The following GPANK1 variants were observed in gnomAD, a reference collection of about 807,000 sequenced individuals.
GPANK1 encodes G patch domain and ankyrin repeat-containing protein 1.
Under a neutral mutation model 24.0 loss-of-function variants are expected in GPANK1, and 22 were observed. The ratio of observed to expected loss-of-function variants is 0.92; its 90% confidence interval spans 0.66 to 1.31. The LOEUF is 1.31. Ranked by LOEUF, GPANK1 falls within the 50% of genes most tolerant of loss-of-function variation. The pLI, the probability that GPANK1 is intolerant of heterozygous loss-of-function variation, is 0.00. For synonymous variants in GPANK1, 174 were observed against 177.4 expected, an observed-to-expected ratio of 0.98 and a Z score of 0.15; for missense variants, 469 against 453.5, an observed-to-expected ratio of 1.03 and a Z score of -0.31.
upstream of GPANK1, chr6:31,665,632 C>A (rs1801575216): frequency 4.1e-6 from 4 of 981,554 alleles, no homozygotes; most frequent in Admixed American, 2.0e-5. Context: ...GGGTCTCTGG[C>A]GGGACTGATT....
At position 31,662,284 on chromosome 6, in the gene GPANK1, G is replaced by T; in HGVS notation, c.1053C>A (p.Tyr351Ter). ...DRAWERDLRT[Y>*]MNLEF ...ACCAAAGTCAGAACTCGAGGTTCATGTAAGTCCTTAGATCCCGCTCCCAAG... is the reference window on the plus strand; with the variant it reads ...ACCAAAGTCAGAACTCGAGGTTCATTTAAGTCCTTAGATCCCGCTCCCAAG... The change falls in exon 3 of 3, where the codon TAC (tyrosine) becomes TAA (stop). Residue 351 changes from tyrosine to a stop codon, truncating the protein, a stop_gained. Coordinates refer to ENST00000375896, the MANE Select transcript of GPANK1 (RefSeq NM_033177.4). LOFTEE classifies it high-confidence loss of function. The surrounding 1 kb of genome is among the most constrained non-coding windows in gnomAD (Gnocchi z 5.5). 6.4e-7 allele frequency: 1 copy of T among 1,551,270 alleles called. No homozygotes were observed. Among genetic ancestry groups the T allele is most frequent in the Non-Finnish European group, 8.7e-7 (1 of 1,145,186 alleles).
chr6:31,665,364 G>A (rs1801511438), upstream of GPANK1: 3 of 1,276,964 alleles, frequency 2.3e-6, no homozygotes, highest in East Asian at 2.5e-5. Context: ...ATGCCGAGAA[G>A]CCGTGTAATG....
upstream of GPANK1, chr6:31,665,100 G>A (rs1801464362): frequency 2.7e-6 from 1 of 374,972 alleles, no homozygotes; most frequent in African/African-American, 2.0e-5. Context: ...ATTACTTGAG[G>A]GCTCGGGCGT....
rs1166992500 is a variant in GPANK1, at chr6:31,661,401, A to G, written c.*865T>C. 1 of 152,294 alleles carries G rather than the reference A, an allele frequency of 6.6e-6. No homozygotes were observed. The allele number at this position is 152,294 out of a possible 1,614,324, so 9.4% of individuals were successfully genotyped here. A position where few individuals can be genotyped will look rare whatever the true frequency, so the allele number is the denominator to read the frequency against. ...TTGACTTCCCTTATCACCCTGCATT[A>G]TAATATTTGATAACATGGGCCGGGA... is the stretch of plus-strand genomic sequence containing the variant. On this transcript the variant is annotated 3_prime_UTR_variant, in exon 3 of 3. Coordinates refer to ENST00000375896, the MANE Select transcript of GPANK1 (RefSeq NM_033177.4).
Position 31,662,722 on chromosome 6 carries a change from G to A in GPANK1, c.627-12C>T, listed in dbSNP as rs777104467. 1.9e-6 allele frequency: 3 copies of A among 1,539,754 alleles called. No individual in the cohort carries two copies. The highest frequency in any genetic ancestry group is 1.4e-5 in the African/African-American group (1 of 72,982). On this transcript the variant is annotated splice_polypyrimidine_tract_variant and intron_variant, in intron 2 of 2. Transcript: ENST00000375896. The surrounding 1 kb of genome is among the most constrained non-coding windows in gnomAD (Gnocchi z 5.5). ...AGGGAGTAGGAGACCTGCAGAGAAA[G>A]AAGAAAAAGCATTAAGGGCAGGGGA... is the stretch of plus-strand genomic sequence containing the variant.
At chr6:31,665,749 G>T, upstream of GPANK1, 1 of 922,936 alleles carries the variant, frequency 1.1e-6, no homozygotes, top group Non-Finnish European at 1.6e-6. Flanking sequence ...CGTGAGGAGA[G>T]CTGCGGAAAG....
At chr6:31,665,983 A>G (rs1458824110), upstream of GPANK1, 1 of 1,014,730 alleles carries the variant, frequency 9.9e-7, no homozygotes, top group East Asian at 9.2e-5. Context: ...TCTCTCATTT[A>G]GCCAGTTTCT....
chr6:31,662,710 C>A lies in GPANK1; in HGVS notation c.627G>T (p.Arg209=). ...SHGETRSPEN[R]SPTPSLQYCE... The stretch of plus-strand genomic sequence containing the variant: ...AGTACTGGAGGGAGGGAGTAGGAGA[C>A]CTGCAGAGAAAGAAGAAAAAGCATT... Residue 209 remains arginine (R), a splice_region_variant and synonymous_variant, in exon 3 of 3, where the codon CGG becomes CGT. Coordinates refer to ENST00000375896, the MANE Select transcript of GPANK1 (RefSeq NM_033177.4). The surrounding 1 kb of genome is among the most constrained non-coding windows in gnomAD (Gnocchi z 5.5). 6.4e-7 allele frequency: 1 copy of A among 1,563,204 alleles called. No individual in the cohort carries two copies. Among genetic ancestry groups the A allele is most frequent in the South Asian group, 1.2e-5 (1 of 86,774 alleles).
upstream of GPANK1, chr6:31,665,538 C>A (rs151149159): frequency 8.1e-4 from 1,245 of 1,537,772 alleles, 10 homozygotes; most frequent in South Asian, 6.3e-3. Context: ...CCCACCCCAC[C>A]CCACCCAAGT....
rs1178191219 is a variant in GPANK1 at position 31,661,483 on chromosome 6, C to A, written c.*783G>T. On this transcript the variant is annotated 3_prime_UTR_variant, in exon 3 of 3. Transcript: ENST00000375896. ...TGGGAAGCCGAGGCCGGCGGATCAC[C>A]TGAGGTCGGGAGTTCAAGACCAGCT... 2.0e-5 allele frequency: 3 copies of A among 152,448 alleles called. No homozygotes were observed. The highest frequency in any genetic ancestry group is 7.2e-5 in the African/African-American group (3 of 41,570). The allele number at this position is 152,448 out of a possible 1,614,324, so 9.4% of individuals were successfully genotyped here.
chr6:31,664,162 T>C lies in GPANK1; in HGVS notation c.317A>G (p.His106Arg), dbSNP rs1469682073. ...CTCCTGGGCTGCCCTCAGTATCCGG[T>C]GAGTCATCTTATCCTCAGCCTCAAG... ...RSLEAEDKMTHRILRAAQEGD... is the reference protein window; with the variant it reads ...RSLEAEDKMTRRILRAAQEGD... Residue 106 changes from histidine (H) to arginine (R), a missense_variant, in exon 2 of 3, where the codon CAC becomes CGC. Transcript: ENST00000375896. The C allele has an allele frequency of 6.2e-7, 1 of 1,614,254 alleles. No individual in the cohort carries two copies. The highest frequency in any genetic ancestry group is 1.1e-5 in the South Asian group (1 of 91,088).
Sources: gnomAD v4.1 joint callset for allele counts on GRCh38, gnomAD v4.1.1 for gene constraint, Gnocchi (gnomAD v3.1) non-coding constraint, MANE v1.5 for transcripts, NCBI Gene and HGNC (gene_info 2026-07-23, HGNC 2026-07-21) for gene names.